Variants in BICRA observed in about 807,000 individuals in gnomAD.
BICRA encodes the protein BRD4-interacting chromatin-remodeling complex-associated protein.
Under a neutral mutation model 96.9 loss-of-function variants are expected in BICRA, and 31 were observed. The ratio of observed to expected loss-of-function variants is 0.32; its 90% confidence interval spans 0.24 to 0.43. The LOEUF is 0.43. BICRA is among the 20% of genes least tolerant of loss of function. The probability of loss-of-function intolerance (pLI) is 1.00; values close to 1 mark genes in which losing one functional copy is unlikely to be tolerated. For synonymous variants in BICRA, 1,350 were observed against 1,071.8 expected (o/e 1.26, Z -5.07); for missense variants, 2,283 against 2,190.3 (o/e 1.04, Z -0.84).
chr19:47,610,386 G>T (rs1282269763), intron 1 of BICRA, among the ~76,000 whole-genome samples: 1 of 152,230 alleles, frequency 6.6e-6, no homozygotes, highest in Non-Finnish European at 1.5e-5. Context: ...GGGCTCGGGC[G>T]CCGGCGGTGA....
intron 1 of BICRA, among the ~76,000 whole-genome samples, chr19:47,658,002 A>C (rs754103481): frequency 6.6e-6 from 1 of 151,812 alleles, no homozygotes; most frequent in African/African-American, 2.4e-5. Flanking sequence ...AGGAATGCAT[A>C]ATGGCTGCTG....
chr19:47,628,384 G>A (rs574695790), intron 1 of BICRA, among the ~76,000 whole-genome samples: 2 of 152,284 alleles, frequency 1.3e-5, no homozygotes, highest in African/African-American at 4.8e-5. Flanking sequence ...GAGTAGTAAG[G>A]TGTCCAGTGG....
At chr19:47,657,639 G>T (rs576614577) in intron 1 of BICRA, among the ~76,000 whole-genome samples, 2 of 151,804 alleles carry the variant, frequency 1.3e-5, no homozygotes, top group African/African-American at 4.8e-5. Flanking sequence ...CTTGTGATCC[G>T]CCCACCTCGG....
chr19:47,631,761 G>T (rs1972225253), intron 1 of BICRA, among the ~76,000 whole-genome samples: 1 of 152,014 alleles, frequency 6.6e-6, no homozygotes, highest in Non-Finnish European at 1.5e-5. Flanking sequence ...CAATTCTCCT[G>T]ACTCAGCCTC....
At chr19:47,656,759 G>A (rs1972624777) in intron 1 of BICRA, among the ~76,000 whole-genome samples, 1 of 152,116 alleles carries the variant, frequency 6.6e-6, no homozygotes, top group Non-Finnish European at 1.5e-5. Context: ...ATCTGAGCAG[G>A]CTCCCTTATA....
chr19:47,643,550 G>T (rs1972414298), intron 1 of BICRA, among the ~76,000 whole-genome samples: 1 of 152,180 alleles, frequency 6.6e-6, no homozygotes, highest in Non-Finnish European at 1.5e-5. Context: ...CTGGCATTAG[G>T]CTGTGATGAG....
intron 1 of BICRA, among the ~76,000 whole-genome samples, chr19:47,632,331 G>A (rs950568442): frequency 6.6e-5 from 10 of 152,250 alleles, no homozygotes. Context: ...TCCATGCCAG[G>A]CCTGTGCCGG....
intron 1 of BICRA, among the ~76,000 whole-genome samples, chr19:47,635,844 T>C (rs888269813): frequency 2.6e-5 from 4 of 152,208 alleles, no homozygotes; most frequent in African/African-American, 7.2e-5. Flanking sequence ...TTACCCACTT[T>C]TCTGCTGAAA....
At chr19:47,685,786 T>TGTGTGTGTGTGCGCGCGCGC in intron 7 of BICRA, among the ~76,000 whole-genome samples, 6 of 117,968 alleles carry the variant, frequency 5.1e-5, no homozygotes, top group African/African-American at 1.1e-4. Context: ...TGTGTGTGTG[T>TGTGTGTGTGTGCGCGCGCGC]GCGCGCGCGC....
intron 1 of BICRA, among the ~76,000 whole-genome samples, chr19:47,610,799 G>T (rs1398038576): frequency 6.6e-6 from 1 of 152,008 alleles, no homozygotes; most frequent in Non-Finnish European, 1.5e-5. Context: ...TGGGTGTGGG[G>T]GGTATTGTCA....
chr19:47,608,215 GGACAGGCTCCGAGGCAGGCCC>G (rs1971838424), upstream of BICRA: 2 of 152,318 alleles, frequency 1.3e-5, no homozygotes, highest in East Asian at 3.9e-4. Flanking sequence ...GAGCGGCCGG[GGACAGGCTCCGAGGCAGGCCC>G]GACCCGCCTC....
In BICRA at chr19:47,679,623, C is replaced by G; in HGVS notation, c.453C>G (p.Ala151=). The G allele has an allele frequency of 6.6e-7, 1 of 1,516,098 alleles. No homozygotes were observed. The allele number at this position is 1,516,098 out of a possible 1,614,324, so 93.9% of individuals were successfully genotyped here. A position where few individuals can be genotyped will look rare whatever the true frequency, so the allele number is the denominator to read the frequency against. Reference sequence around the variant, plus strand: ...CGACGGGCGCTGGAGGGGCAGCGGCCGTGGCTGCGGGGCCCCAAGCCCTCT... The same window carrying G: ...CGACGGGCGCTGGAGGGGCAGCGGCGGTGGCTGCGGGGCCCCAAGCCCTCT... ...AGPTGAGGAA[A]VAAGPQALFP... is the part of the protein sequence containing the mutation. Residue 151 remains alanine, a synonymous_variant, in exon 6 of 15, where the codon GCC becomes GCG. Transcript: ENST00000594866.
intron 1 of BICRA, among the ~76,000 whole-genome samples, chr19:47,618,914 T>C (rs1409967732): frequency 6.6e-6 from 1 of 152,176 alleles, no homozygotes; most frequent in South Asian, 2.1e-4. Flanking sequence ...TCGTCCACCG[T>C]GTGAGGCTGG....
chr19:47,609,606 GA>G (rs1422408956), intron 1 of BICRA, among the ~76,000 whole-genome samples: 2 of 151,586 alleles, frequency 1.3e-5, no homozygotes, highest in African/African-American at 4.8e-5. Flanking sequence ...GAGGGGCGCG[GA>G]GACCCCCTCC....
intron 1 of BICRA, among the ~76,000 whole-genome samples, chr19:47,613,357 G>A (rs940826605): frequency 6.6e-6 from 1 of 152,208 alleles, no homozygotes; most frequent in African/African-American, 2.4e-5. Context: ...GCTGGTAGGG[G>A]AAGTTAATTG....
intron 1 of BICRA, among the ~76,000 whole-genome samples, chr19:47,619,639 T>C (rs1972036035): frequency 6.6e-6 from 1 of 150,710 alleles, no homozygotes; most frequent in Non-Finnish European, 1.5e-5. Context: ...CTCACACCTG[T>C]AATCCCAGCA....
chr19:47,655,631 T>A (rs1018492640), intron 1 of BICRA, among the ~76,000 whole-genome samples: 2 of 148,240 alleles, frequency 1.3e-5, no homozygotes, highest in African/African-American at 5.0e-5. Flanking sequence ...GGCGGGTGAA[T>A]CACCTGAGGT....
intron 1 of BICRA, among the ~76,000 whole-genome samples, chr19:47,620,879 C>T (rs941766944): frequency 3.3e-5 from 5 of 151,946 alleles, no homozygotes; most frequent in East Asian, 1.9e-4. Flanking sequence ...AGGCCTCTTC[C>T]GGCAGCAGCA....
intron 7 of BICRA, among the ~76,000 whole-genome samples, chr19:47,685,799 G>GCGCGCGCGCGCGCGCACGCA (rs141802949): frequency 6.7e-6 from 1 of 148,732 alleles, no homozygotes; most frequent in Non-Finnish European, 1.5e-5. Context: ...GCGCGCGCGC[G>GCGCGCGCGCGCGCGCACGCA]CATGCGTACA....
Sources: gnomAD v4.1 joint callset for allele counts (sites outside exome capture counted in the v4.1 genomes callset) on GRCh38, gnomAD v4.1.1 for gene constraint, MANE v1.5 for transcripts, NCBI Gene and HGNC (gene_info 2026-07-23, HGNC 2026-07-21) for gene names.